The following FSTL4 variants were observed in gnomAD, a reference collection of about 807,000 sequenced individuals.
The protein encoded by FSTL4 is follistatin-related protein 4.
A neutral mutation model predicts 78.2 loss-of-function variants in FSTL4; 28 were observed. The observed-to-expected ratio is 0.36, with a 90% CI of 0.27 to 0.49. FSTL4 has a LOEUF of 0.49. Among genes scored for constraint, FSTL4 ranks in the 20% least tolerant of loss-of-function variants. The pLI, the probability that FSTL4 is intolerant of heterozygous loss-of-function variation, is 0.98. For missense variants in FSTL4, 922 were observed against 1,084.9 expected (o/e 0.85, Z 2.11); for synonymous variants, 422 against 440.5 (o/e 0.96, Z 0.53).
At chr5:133,232,241 T>C (rs1189874562) in intron 8 of FSTL4, among the ~76,000 whole-genome samples, 1 of 152,188 alleles carries the variant, frequency 6.6e-6, no homozygotes, top group Non-Finnish European at 1.5e-5. Flanking sequence ...AGGAAGTAGT[T>C]GCTGGAATGG....
At chr5:133,673,584 G>T in the FSTL4 span, among the ~76,000 whole-genome samples, 3 of 152,206 alleles carry the variant, frequency 2.0e-5, no homozygotes, top group Admixed American at 1.3e-4. Context: ...GCCAACCATT[G>T]TGGATTCAAA....
chr5:133,800,875 T>C, the FSTL4 span, among the ~76,000 whole-genome samples: 18,057 of 151,780 alleles, frequency 0.12, 1,593 homozygotes, highest in African/African-American at 0.24. Context: ...GCAAAGCTGC[T>C]CAGCTATATC....
intron 3 of FSTL4, among the ~76,000 whole-genome samples, chr5:133,493,135 A>G (rs73788102): frequency 0.012 from 1,895 of 152,092 alleles, 40 homozygotes; most frequent in African/African-American, 0.044. Context: ...AGATTTTTAA[A>G]TAGTTACTTT....
the FSTL4 span, among the ~76,000 whole-genome samples, chr5:133,778,944 G>T: frequency 1.3e-5 from 2 of 152,180 alleles, no homozygotes; most frequent in African/African-American, 2.4e-5. Flanking sequence ...AAGTGACCTG[G>T]TAAAAAGGCA....
chr5:133,710,840 G>C, the FSTL4 span, among the ~76,000 whole-genome samples: 1 of 152,230 alleles, frequency 6.6e-6, no homozygotes. Flanking sequence ...TATGAGAAAA[G>C]AGTAACCAAA....
chr5:133,429,778 A>G (rs1012335868), intron 3 of FSTL4, among the ~76,000 whole-genome samples: 1 of 152,084 alleles, frequency 6.6e-6, no homozygotes, highest in Admixed American at 6.5e-5. Flanking sequence ...TGAGGCATCC[A>G]CCTTCAGCAT....
chr5:133,489,059 ACTC>A (rs60366510), intron 3 of FSTL4, among the ~76,000 whole-genome samples: 38,738 of 151,720 alleles, frequency 0.26, 5,132 homozygotes, highest in East Asian at 0.37. Context: ...TAGATGGTTG[ACTC>A]CTCCTTCCTC....
chr5:133,310,964 G>A (rs1386311869), intron 6 of FSTL4, among the ~76,000 whole-genome samples: 1 of 152,166 alleles, frequency 6.6e-6, no homozygotes, highest in Non-Finnish European at 1.5e-5. Flanking sequence ...TCCGAGGGCA[G>A]GAGAGAGGGT....
chr5:133,789,532 A>G, the FSTL4 span, among the ~76,000 whole-genome samples: 1,757 of 152,292 alleles, frequency 0.012, 38 homozygotes, highest in African/African-American at 0.04. Context: ...AGGACCAATT[A>G]CCAAACTGCT....
At chr5:133,518,412 G>C (rs1758907714) in intron 3 of FSTL4, among the ~76,000 whole-genome samples, 2 of 152,018 alleles carry the variant, frequency 1.3e-5, no homozygotes, top group Admixed American at 1.3e-4. Flanking sequence ...TCAAAGAAAG[G>C]CTAATTAAAA....
At chr5:133,755,361 G>A in the FSTL4 span, among the ~76,000 whole-genome samples, 1 of 152,038 alleles carries the variant, frequency 6.6e-6, no homozygotes, top group Non-Finnish European at 1.5e-5. Flanking sequence ...CTGGTCCCGG[G>A]ACAATAAAAG....
rs576583503 is a variant in FSTL4 at position 133,581,271 on chromosome 5, T to C, written c.127-14052A>G. Among the ~76,000 whole-genome samples, 3 of 152,326 alleles carry C rather than the reference T, an allele frequency of 2.0e-5. No individual in the cohort carries two copies. In the South Asian group the frequency reaches 6.2e-4, roughly 32 times the overall value. On this transcript the variant is annotated intron_variant, in intron 2 of 15. Coordinates refer to ENST00000265342, the MANE Select transcript of FSTL4 (RefSeq NM_015082.2). ...TGGTCAGCAGAGCTAGATTGGTGTT[T>C]ACTTAGGACCTGGCCCATCTGAGAA...
chr5:133,778,398 C>T, the FSTL4 span, among the ~76,000 whole-genome samples: 1 of 152,156 alleles, frequency 6.6e-6, no homozygotes, highest in Non-Finnish European at 1.5e-5. Context: ...TTTAATATTC[C>T]AGATAATTAA....
At chr5:133,209,131 G>A (rs868254328) in intron 14 of FSTL4, among the ~76,000 whole-genome samples, 8 of 152,162 alleles carry the variant, frequency 5.3e-5, no homozygotes, top group Middle Eastern at 3.2e-3. Flanking sequence ...GGCCTTTATT[G>A]TGGTGTCCAG....
chr5:133,205,474 T>A (rs1294466328), intron 14 of FSTL4, among the ~76,000 whole-genome samples: 1 of 152,148 alleles, frequency 6.6e-6, no homozygotes, highest in Non-Finnish European at 1.5e-5. Context: ...TATCCTTGCA[T>A]AATATTCCTG....
At chr5:133,242,053 C>G (rs1297167258) in intron 7 of FSTL4, among the ~76,000 whole-genome samples, 1 of 152,198 alleles carries the variant, frequency 6.6e-6, no homozygotes, top group African/African-American at 2.4e-5. Context: ...AGAGATTTGG[C>G]AAAACCCATC....
the FSTL4 span, among the ~76,000 whole-genome samples, chr5:133,700,625 C>A: frequency 6.6e-6 from 1 of 152,178 alleles, no homozygotes; most frequent in Non-Finnish European, 1.5e-5. Flanking sequence ...GGAATGATAC[C>A]CAAACCTACT....
the FSTL4 span, among the ~76,000 whole-genome samples, chr5:133,795,184 GTGAAGC>G: frequency 6.6e-6 from 1 of 152,176 alleles, no homozygotes; most frequent in East Asian, 1.9e-4. Flanking sequence ...TTATTTGGCC[GTGAAGC>G]TGAATGTACA....
the FSTL4 span, among the ~76,000 whole-genome samples, chr5:133,801,164 C>A: frequency 3.3e-5 from 5 of 152,184 alleles, no homozygotes; most frequent in African/African-American, 1.2e-4. Context: ...CCTGGTCCAT[C>A]CTGACCCCAC....
Sources: gnomAD v4.1 joint callset for allele counts (sites outside exome capture counted in the v4.1 genomes callset) on GRCh38, gnomAD v4.1.1 for gene constraint, MANE v1.5 for transcripts, NCBI Gene and HGNC (gene_info 2026-07-23, HGNC 2026-07-21) for gene names.